PCDH15: variants seen among roughly 807,000 people sequenced by gnomAD.
PCDH15 encodes the protein protocadherin related 15.
In PCDH15, 129 loss-of-function variants were observed where a neutral mutation model predicts 178.5. The ratio of observed to expected loss-of-function variants is 0.72; its 90% CI spans 0.63 to 0.84. PCDH15 has a LOEUF of 0.84. Among genes scored for constraint, PCDH15 ranks in the 40% least tolerant of loss-of-function variants. The probability of loss-of-function intolerance (pLI) is 0.00; values close to 1 mark genes in which losing one functional copy is unlikely to be tolerated. For synonymous variants in PCDH15, 800 were observed against 732.0 expected (o/e 1.09, Z -1.50); for missense variants, 2,230 against 2,099.9 (o/e 1.06, Z -1.21).
chr10:54,014,948 A>C (rs2092696496), intron 20 of PCDH15, among the ~76,000 whole-genome samples: 1 of 152,154 alleles, frequency 6.6e-6, no homozygotes, highest in Admixed American at 6.5e-5. Context: ...CCACCCAATT[A>C]GGAAGAGAGG....
chr10:55,415,061 GCCTTTATTAAGGTGAGGGAGTTT>G (rs1287917432), intron 2 of PCDH15, among the ~76,000 whole-genome samples: 1 of 151,502 alleles, frequency 6.6e-6, no homozygotes, highest in Non-Finnish European at 1.5e-5. Context: ...TTTATAAATG[GCCTTTATTAAGGTGAGGGAGTTT>G]CCTTTTGTGC....
chr10:55,512,209 T>C (rs1047488567), intron 2 of PCDH15, among the ~76,000 whole-genome samples: 1 of 152,152 alleles, frequency 6.6e-6, no homozygotes, highest in African/African-American at 2.4e-5. Context: ...TGTCTTGCTA[T>C]AAAAAGTTTG....
chr10:55,481,653 T>C (rs1840183808), intron 2 of PCDH15, among the ~76,000 whole-genome samples: 1 of 151,890 alleles, frequency 6.6e-6, no homozygotes, highest in Non-Finnish European at 1.5e-5. Context: ...TTTGAGTAAA[T>C]TTCTTAGACT....
At chr10:53,857,328 C>T in intron 27 of PCDH15, 65 bp from the exon 28 acceptor site, 1 of 1,161,512 alleles carries the variant, frequency 8.6e-7, no homozygotes, top group South Asian at 1.2e-5. Flanking sequence ...ATCAGAAAAC[C>T]CCCACATTAC....
chr10:53,839,164 C>A (rs1437713857), intron 29 of PCDH15, among the ~76,000 whole-genome samples: 1 of 135,152 alleles, frequency 7.4e-6, no homozygotes, highest in Non-Finnish European at 1.5e-5. Flanking sequence ...GATTGCGCCA[C>A]TGCACTCCAG....
intron 3 of PCDH15, among the ~76,000 whole-genome samples, chr10:54,410,782 A>G (rs1247394851): frequency 6.6e-6 from 1 of 152,124 alleles, no homozygotes; most frequent in African/African-American, 2.4e-5. Flanking sequence ...TAAAATGTAA[A>G]TTTTAGTGAG....
intron 2 of PCDH15, among the ~76,000 whole-genome samples, chr10:55,039,768 G>C (rs1840820542): frequency 6.6e-6 from 1 of 152,120 alleles, no homozygotes; most frequent in African/African-American, 2.4e-5. Context: ...AAGTTTTGAT[G>C]AGTGATATGT....
chr10:53,968,932 A>C lies in PCDH15; in HGVS notation c.2869-7040T>G, dbSNP rs563950556. Among the ~76,000 whole-genome samples the C allele has an allele frequency of 2.0e-5, 3 of 152,336 alleles. No individual in the cohort carries two copies. In the South Asian group the frequency reaches 6.2e-4, roughly 32 times the overall value. On this transcript the variant is annotated intron_variant, in intron 21 of 37. Coordinates refer to ENST00000644397, the MANE Select transcript of PCDH15 (RefSeq NM_001384140.1). ...GAGCAGAAAAGTTGAAATTCTAAAA[A>C]TCAGAGCACCTCTTCTCCTCCAAAG...
intron 20 of PCDH15, among the ~76,000 whole-genome samples, chr10:54,002,164 A>G (rs1268152803): frequency 1.3e-5 from 2 of 151,638 alleles, no homozygotes; most frequent in African/African-American, 4.8e-5. Flanking sequence ...ACACATATAT[A>G]TTTTCAACAT....
chr10:54,100,175 G>A (rs1186070702), intron 15 of PCDH15, among the ~76,000 whole-genome samples: 1 of 152,034 alleles, frequency 6.6e-6, no homozygotes, highest in Non-Finnish European at 1.5e-5. Context: ...AGACCAGCCT[G>A]ACCAACATGG....
chr10:55,464,050 AAAGAAAG>A (rs1839772503), intron 2 of PCDH15, among the ~76,000 whole-genome samples: 1 of 126,104 alleles, frequency 7.9e-6, no homozygotes, highest in South Asian at 3.0e-4. Flanking sequence ...AGAAAGAAAG[AAAGAAAG>A]AAAGAAAAGG....
chr10:55,004,127 G>T (rs1839866348), intron 2 of PCDH15, among the ~76,000 whole-genome samples: 1 of 152,182 alleles, frequency 6.6e-6, no homozygotes, highest in Non-Finnish European at 1.5e-5. Context: ...ATCCAGCTGT[G>T]ATTTGTCTTT....
At chr10:54,185,631 G>A (rs930908092) in intron 11 of PCDH15, among the ~76,000 whole-genome samples, 1 of 151,812 alleles carries the variant, frequency 6.6e-6, no homozygotes, top group Admixed American at 6.6e-5. Context: ...AGAAATAAAA[G>A]CAAGAAAAGA....
At chr10:55,360,070 T>C (rs1845191712) in intron 2 of PCDH15, among the ~76,000 whole-genome samples, 1 of 151,978 alleles carries the variant, frequency 6.6e-6, no homozygotes. Flanking sequence ...CTATCAATAG[T>C]AACTACAGTT....
intron 1 of PCDH15, among the ~76,000 whole-genome samples, chr10:55,180,951 TA>T (rs1446359134): frequency 6.6e-6 from 1 of 152,030 alleles, no homozygotes; most frequent in African/African-American, 2.4e-5. Flanking sequence ...AAAAAAAACA[TA>T]TTTTTTTAAT....
chr10:54,591,602 T>C (rs976085073), intron 2 of PCDH15, among the ~76,000 whole-genome samples: 17 of 152,204 alleles, frequency 1.1e-4, no homozygotes, highest in South Asian at 2.1e-4. Context: ...AATTTTGTGA[T>C]AAATTGCTAA....
intron 3 of PCDH15, among the ~76,000 whole-genome samples, chr10:54,457,895 T>C (rs1010361148): frequency 3.3e-5 from 5 of 152,260 alleles, no homozygotes; most frequent in Admixed American, 3.3e-4. Context: ...CCAAACATAA[T>C]ACAATATTCC....
chr10:54,316,816 C>T (rs1456241956), intron 8 of PCDH15, among the ~76,000 whole-genome samples: 1 of 152,098 alleles, frequency 6.6e-6, no homozygotes, highest in Non-Finnish European at 1.5e-5. Flanking sequence ...TATTTGTATT[C>T]AGTATTTGTT....
intron 8 of PCDH15, among the ~76,000 whole-genome samples, chr10:54,310,369 T>C (rs894501466): frequency 5.3e-5 from 8 of 152,096 alleles, no homozygotes; most frequent in African/African-American, 1.7e-4. Context: ...AGAGTATGTC[T>C]TTAAATAGAT....
Sources: allele counts gnomAD v4.1 joint callset (sites outside exome capture counted in the v4.1 genomes callset), GRCh38; gene constraint gnomAD v4.1.1; transcripts MANE v1.5; gene names NCBI Gene and HGNC (gene_info 2026-07-23, HGNC 2026-07-21).